Variants in MYO10 observed in about 807,000 individuals in gnomAD.
MYO10 encodes the protein unconventional myosin-X.
A neutral mutation model predicts 257.3 loss-of-function variants in MYO10; 133 were observed. That is an observed-to-expected ratio of 0.52 (90% CI 0.45 to 0.60). The LOEUF is 0.60. MYO10 is among the 20% of genes least tolerant of loss of function. The probability of loss-of-function intolerance (pLI) is 0.00; values close to 1 mark genes in which losing one functional copy is unlikely to be tolerated. For missense variants in MYO10, 2,399 were observed against 2,635.7 expected, an observed-to-expected ratio of 0.91 and a Z score of 1.97; for synonymous variants, 1,104 against 1,028.6, an observed-to-expected ratio of 1.07 and a Z score of -1.40.
At chr5:16,714,297 GA>G (rs140281498) in intron 19 of MYO10, among the ~76,000 whole-genome samples, 37 of 147,512 alleles carry the variant, frequency 2.5e-4, no homozygotes, top group Non-Finnish European at 3.5e-4. Context: ...TTCCCCACAG[GA>G]AAAAAAAAAC....
intron 15 of MYO10, 132 bp downstream of exon 15, chr5:16,762,413 C>T (rs79779588): frequency 1.3e-6 from 1 of 773,930 alleles, no homozygotes; most frequent in Non-Finnish European, 2.0e-6. Context: ...AATAGAAGAA[C>T]AGCTTTGGTT....
chr5:16,879,356 A>G (rs1744696266), intron 1 of MYO10, among the ~76,000 whole-genome samples: 1 of 152,190 alleles, frequency 6.6e-6, no homozygotes, highest in South Asian at 2.1e-4. Context: ...CTCTTTAAAC[A>G]CAGAGTTGGC....
At chr5:16,775,645 C>T (rs1466619567) in intron 9 of MYO10, among the ~76,000 whole-genome samples, 2 of 152,268 alleles carry the variant, frequency 1.3e-5, no homozygotes, top group East Asian at 3.9e-4. Context: ...CTCTGTCGCC[C>T]AGGCTGGAGT....
At chr5:16,863,813 C>G (rs2126748166) in intron 2 of MYO10, among the ~76,000 whole-genome samples, 1 of 152,296 alleles carries the variant, frequency 6.6e-6, no homozygotes, top group East Asian at 1.9e-4. Context: ...CAGTGAAACT[C>G]CGGGCCAGGT....
At position 16,671,584 on chromosome 5, in the gene MYO10, A is replaced by ATTCT. The variant is rs758824485; in HGVS notation, c.5310-43_5310-42insAGAA. 18 of 1,612,756 alleles carry ATTCT rather than the reference A, an allele frequency of 1.1e-5. No individual in the cohort carries two copies. In the East Asian group the frequency reaches 2.5e-4, roughly 22 times the overall value. On this transcript the variant is annotated intron_variant, in intron 37 of 40. Transcript: ENST00000513610. Reference sequence around the variant, plus strand: ...AGAGAGGCTCAGAATATGAACGAGAAGGGCCTTCAGTGACCCGCAGGGACC... The same window carrying ATTCT: ...AGAGAGGCTCAGAATATGAACGAGAATTCTGGGCCTTCAGTGACCCGCAGGGACC...
chr5:16,912,713 AGTCT>A (rs1046921045), intron 1 of MYO10, among the ~76,000 whole-genome samples: 8 of 151,636 alleles, frequency 5.3e-5, no homozygotes, highest in African/African-American at 1.9e-4. Context: ...CCTTTTAAAC[AGTCT>A]GTATTTCAGC....
chr5:16,781,325 C>T (rs1266953856), intron 6 of MYO10, among the ~76,000 whole-genome samples: 2 of 152,134 alleles, frequency 1.3e-5, no homozygotes, highest in Non-Finnish European at 2.9e-5. Flanking sequence ...AGTGATCTGA[C>T]CACCTTGGCC....
chr5:16,741,631 T>A (rs568371944), intron 19 of MYO10, among the ~76,000 whole-genome samples: 2 of 152,312 alleles, frequency 1.3e-5, no homozygotes, highest in South Asian at 4.1e-4. Context: ...AAATTTGTAG[T>A]TCAAACTTGT....
At chr5:16,934,711 G>A (rs1746385277) in intron 1 of MYO10, among the ~76,000 whole-genome samples, 1 of 152,182 alleles carries the variant, frequency 6.6e-6, no homozygotes, top group Non-Finnish European at 1.5e-5. Context: ...AAACAAGAAT[G>A]CATTTATCAC....
intron 24 of MYO10, 89 bp downstream of exon 24, chr5:16,702,454 T>C: frequency 8.3e-7 from 1 of 1,207,996 alleles, no homozygotes; most frequent in Admixed American, 2.5e-5. Context: ...TCTTTCTACT[T>C]TAATTCAGTT....
At chr5:16,850,301 G>A (rs1230788487) in intron 2 of MYO10, among the ~76,000 whole-genome samples, 3 of 152,114 alleles carry the variant, frequency 2.0e-5, no homozygotes, top group Non-Finnish European at 2.9e-5. Flanking sequence ...TTGAGATGGA[G>A]TCTCACTCTG....
chr5:16,688,241 T>C lies in MYO10; in HGVS notation c.3896+1583A>G, dbSNP rs148655339. Reference sequence around the variant, plus strand: ...TCCAGTTTGTGTTAGAATTTATGGGTCTAAGCAGGTGTTTTAGTTTGTTCC... The same window carrying C: ...TCCAGTTTGTGTTAGAATTTATGGGCCTAAGCAGGTGTTTTAGTTTGTTCC... On this transcript the variant is annotated intron_variant, in intron 28 of 40. Coordinates refer to ENST00000513610, the MANE Select transcript of MYO10 (RefSeq NM_012334.3). Among the ~76,000 whole-genome samples, 343 of 152,294 alleles carry C rather than the reference T, an allele frequency of 2.3e-3. 2 individuals carry two copies. Among genetic ancestry groups the C allele is most frequent in the African/African-American group, 7.9e-3 (328 of 41,556 alleles).
chr5:16,730,712 G>T (rs1376137398), intron 19 of MYO10, among the ~76,000 whole-genome samples: 1 of 152,196 alleles, frequency 6.6e-6, no homozygotes, highest in Admixed American at 6.5e-5. Flanking sequence ...GCCCCTGTGA[G>T]AATTACTAGG....
At chr5:16,680,549 A>T (rs1266044605) in intron 32 of MYO10, among the ~76,000 whole-genome samples, 1 of 152,188 alleles carries the variant, frequency 6.6e-6, no homozygotes, top group Non-Finnish European at 1.5e-5. Context: ...TTCAGAGGCA[A>T]GCTGTCCGAA....
At chr5:16,840,673 A>T (rs944601756) in intron 2 of MYO10, among the ~76,000 whole-genome samples, 1 of 151,966 alleles carries the variant, frequency 6.6e-6, no homozygotes, top group Non-Finnish European at 1.5e-5. Context: ...TATAATTGAC[A>T]AGAAAACACA....
chr5:16,691,269 CAA>C (rs35469219), intron 27 of MYO10, among the ~76,000 whole-genome samples: 111 of 105,654 alleles, frequency 1.1e-3, no homozygotes, highest in Middle Eastern at 5.9e-3. Flanking sequence ...GACTCCGTCT[CAA>C]AAAAAAAAAA....
intron 4 of MYO10, among the ~76,000 whole-genome samples, chr5:16,794,082 AT>A (rs1741855911): frequency 6.6e-6 from 1 of 152,152 alleles, no homozygotes; most frequent in Non-Finnish European, 1.5e-5. Context: ...CTAAAAAAAA[AT>A]ATTGAAATAA....
chr5:16,932,182 T>C (rs1746311074), intron 1 of MYO10, among the ~76,000 whole-genome samples: 1 of 152,248 alleles, frequency 6.6e-6, no homozygotes, highest in Non-Finnish European at 1.5e-5. Context: ...GTATTTGTAT[T>C]TGTGAGTATC....
intron 1 of MYO10, among the ~76,000 whole-genome samples, chr5:16,934,425 T>G (rs1185108124): frequency 6.6e-6 from 1 of 152,256 alleles, no homozygotes; most frequent in Non-Finnish European, 1.5e-5. Flanking sequence ...TTCTTACAGA[T>G]GCAAGCAATT....
Sources: allele counts gnomAD v4.1 joint callset (sites outside exome capture counted in the v4.1 genomes callset), GRCh38; gene constraint gnomAD v4.1.1; transcripts MANE v1.5; gene names NCBI Gene and HGNC (gene_info 2026-07-23, HGNC 2026-07-21).